The following EYS variants were observed in gnomAD, a reference collection of about 807,000 sequenced individuals.
EYS encodes the protein EGF-like photoreceptor maintenance factor.
Under a neutral mutation model 282.1 loss-of-function variants are expected in EYS, and 250 were observed. That is an observed-to-expected ratio of 0.89 (90% CI 0.80 to 0.98). The LOEUF (loss-of-function observed/expected upper bound fraction) is 0.98, where lower values mean the gene tolerates loss of function less well. Among genes scored for constraint, EYS ranks in the 50% least tolerant of loss-of-function variants. The probability of loss-of-function intolerance (pLI) is 0.00; values close to 1 mark genes in which losing one functional copy is unlikely to be tolerated. For missense variants in EYS, 4,016 were observed against 3,709.0 expected, an observed-to-expected ratio of 1.08 and a Z score of -2.15; for synonymous variants, 1,355 against 1,282.9, an observed-to-expected ratio of 1.06 and a Z score of -1.20.
chr6:63,760,334 A>G (rs1001357195), intron 41 of EYS, among the ~76,000 whole-genome samples: 10 of 152,074 alleles, frequency 6.6e-5, no homozygotes, highest in Admixed American at 6.6e-5. Flanking sequence ...AAAGATAGCT[A>G]TAACATAAAT....
At chr6:64,254,532 A>G (rs1381442189) in intron 30 of EYS, among the ~76,000 whole-genome samples, 1 of 152,016 alleles carries the variant, frequency 6.6e-6, no homozygotes, top group Non-Finnish European at 1.5e-5. Flanking sequence ...GATCAGAATA[A>G]TATTCATTCT....
intron 31 of EYS, among the ~76,000 whole-genome samples, chr6:64,125,710 CG>C (rs1190455710): frequency 6.8e-6 from 1 of 146,036 alleles, no homozygotes; most frequent in Non-Finnish European, 1.5e-5. Flanking sequence ...GGCGTGAACC[CG>C]GGAGGCGGAG....
intron 12 of EYS, among the ~76,000 whole-genome samples, chr6:65,162,701 G>T (rs1227650990): frequency 6.6e-6 from 1 of 150,762 alleles, no homozygotes; most frequent in Non-Finnish European, 1.5e-5. Flanking sequence ...AAACAGTCCT[G>T]ATAATCCTGA....
intron 37 of EYS, among the ~76,000 whole-genome samples, chr6:63,795,111 G>A (rs1770611778): frequency 6.6e-6 from 1 of 152,192 alleles, no homozygotes; most frequent in Non-Finnish European, 1.5e-5. Flanking sequence ...AGAAAGAAAA[G>A]TCATAACAAC....
intron 14 of EYS, among the ~76,000 whole-genome samples, chr6:64,959,724 G>A (rs2150105116): frequency 6.6e-6 from 1 of 152,084 alleles, no homozygotes; most frequent in South Asian, 2.1e-4. Flanking sequence ...GTTTCTAAAA[G>A]CACCAGATAT....
intron 33 of EYS, among the ~76,000 whole-genome samples, chr6:64,042,555 G>A (rs745905212): frequency 6.6e-6 from 1 of 152,136 alleles, no homozygotes; most frequent in South Asian, 2.1e-4. Flanking sequence ...AATATCCCAG[G>A]TAGTGCCTTG....
intron 29 of EYS, among the ~76,000 whole-genome samples, chr6:64,314,089 C>G (rs1769835018): frequency 6.7e-6 from 1 of 148,888 alleles, no homozygotes; most frequent in Non-Finnish European, 1.5e-5. Context: ...GACAAAGAGT[C>G]AAGACCCTTC....
chr6:64,402,995 T>C (rs1486379228), intron 28 of EYS, among the ~76,000 whole-genome samples: 2 of 152,184 alleles, frequency 1.3e-5, no homozygotes, highest in Non-Finnish European at 2.9e-5. Flanking sequence ...ACATTAATCA[T>C]TGTGATTCTA....
intron 5 of EYS, among the ~76,000 whole-genome samples, chr6:65,407,885 C>A (rs777947901): frequency 6.6e-6 from 1 of 151,736 alleles, no homozygotes; most frequent in Non-Finnish European, 1.5e-5. Flanking sequence ...CCAAGAAAAG[C>A]TGTCAGCCTG....
chr6:64,711,685 CAG>C (rs1771217733), intron 22 of EYS, among the ~76,000 whole-genome samples: 1 of 152,170 alleles, frequency 6.6e-6, no homozygotes, highest in African/African-American at 2.4e-5. Context: ...GAAAGATTTT[CAG>C]ATACACAGAT....
intron 2 of EYS, among the ~76,000 whole-genome samples, chr6:65,635,690 T>C (rs1284805928): frequency 6.6e-6 from 1 of 152,194 alleles, no homozygotes; most frequent in Non-Finnish European, 1.5e-5. Flanking sequence ...TGAAACATTA[T>C]CAGGCTAGGG....
intron 15 of EYS, among the ~76,000 whole-genome samples, chr6:64,916,858 G>A (rs902561082): frequency 2.0e-5 from 3 of 152,134 alleles, no homozygotes; most frequent in African/African-American, 7.2e-5. Flanking sequence ...AAAATACATT[G>A]AACACTTCTA....
At chr6:64,109,575 A>G (rs569149641) in intron 31 of EYS, among the ~76,000 whole-genome samples, 62 of 152,290 alleles carry the variant, frequency 4.1e-4, no homozygotes, top group African/African-American at 1.5e-3. Context: ...AATGACTACC[A>G]ACTGTAAGGG....
At chr6:65,517,228 A>G (rs1275014887) in intron 2 of EYS, among the ~76,000 whole-genome samples, 1 of 151,876 alleles carries the variant, frequency 6.6e-6, no homozygotes, top group Non-Finnish European at 1.5e-5. Flanking sequence ...TTATAAACCT[A>G]GGATATATTT....
At chr6:64,843,245 C>G (rs1483816197) in intron 19 of EYS, among the ~76,000 whole-genome samples, 1 of 152,044 alleles carries the variant, frequency 6.6e-6, no homozygotes, top group Non-Finnish European at 1.5e-5. Flanking sequence ...GGTTGGACCC[C>G]CCACACAGAA....
chr6:64,623,061 A>G (rs1767499227), intron 23 of EYS, among the ~76,000 whole-genome samples: 1 of 152,170 alleles, frequency 6.6e-6, no homozygotes, highest in South Asian at 2.1e-4. Flanking sequence ...TAGAATTGCT[A>G]ACATCTAGAC....
chr6:63,945,222 G>A (rs1158429157), intron 35 of EYS, among the ~76,000 whole-genome samples: 1 of 152,022 alleles, frequency 6.6e-6, no homozygotes, highest in Admixed American at 6.6e-5. Flanking sequence ...ACGGTGGAAG[G>A]GGAACACATC....
At chr6:65,672,616 G>A (rs1463483156) in intron 1 of EYS, among the ~76,000 whole-genome samples, 1 of 151,944 alleles carries the variant, frequency 6.6e-6, no homozygotes, top group Non-Finnish European at 1.5e-5. Context: ...GCCAAGCAAA[G>A]TATCAAAAAA....
intron 13 of EYS, among the ~76,000 whole-genome samples, chr6:65,019,599 C>T (rs986446922): frequency 6.6e-6 from 1 of 152,112 alleles, no homozygotes; most frequent in African/African-American, 2.4e-5. Context: ...CAAAAAGTAC[C>T]TGCCAAGCAC....
Sources: gnomAD v4.1 joint callset for allele counts (sites outside exome capture counted in the v4.1 genomes callset) on GRCh38, gnomAD v4.1.1 for gene constraint, MANE v1.5 for transcripts, NCBI Gene and HGNC (gene_info 2026-07-23, HGNC 2026-07-21) for gene names.